Variants in PCDH15 observed in about 807,000 individuals in gnomAD.
The protein encoded by PCDH15 is protocadherin related 15.
In PCDH15, 129 loss-of-function variants were observed where a neutral mutation model predicts 178.5. That is an observed-to-expected ratio of 0.72 (90% confidence interval 0.63 to 0.84). The LOEUF (loss-of-function observed/expected upper bound fraction) is 0.84. Among genes scored for constraint, PCDH15 ranks in the 40% least tolerant of loss-of-function variants. The pLI, the probability that PCDH15 is intolerant of heterozygous loss-of-function variation, is 0.00. For synonymous variants in PCDH15, 800 were observed against 732.0 expected (o/e 1.09, Z -1.50); for missense variants, 2,230 against 2,099.9 (o/e 1.06, Z -1.21).
intron 2 of PCDH15, among the ~76,000 whole-genome samples, chr10:55,466,589 C>A (rs544073515): frequency 2.0e-5 from 3 of 152,152 alleles, no homozygotes; most frequent in African/African-American, 7.2e-5. Flanking sequence ...CAGCTAATCC[C>A]TGGTCAAATT....
chr10:54,919,370 A>G (rs1234224717), intron 2 of PCDH15, among the ~76,000 whole-genome samples: 1 of 152,160 alleles, frequency 6.6e-6, no homozygotes, highest in Non-Finnish European at 1.5e-5. Context: ...AAAAGGGATA[A>G]TGTTTGCTCA....
chr10:54,521,902 A>T (rs1447296535), intron 3 of PCDH15, among the ~76,000 whole-genome samples: 1 of 152,036 alleles, frequency 6.6e-6, no homozygotes, highest in African/African-American at 2.4e-5. Flanking sequence ...ACCCTGGCTA[A>T]CACGGTGGAA....
chr10:55,363,132 G>A (rs1304809249), intron 2 of PCDH15, among the ~76,000 whole-genome samples: 1 of 152,192 alleles, frequency 6.6e-6, no homozygotes, highest in East Asian at 1.9e-4. Flanking sequence ...GATAGACTTC[G>A]TTTTCACTCA....
intron 18 of PCDH15, among the ~76,000 whole-genome samples, chr10:54,027,204 G>A (rs1472078775): frequency 2.0e-5 from 3 of 148,256 alleles, no homozygotes; most frequent in South Asian, 2.2e-4. Flanking sequence ...CTTCAAAGAG[G>A]ATAAAATACC....
chr10:54,385,147 A>T (rs1343060255), intron 3 of PCDH15, among the ~76,000 whole-genome samples: 1 of 152,072 alleles, frequency 6.6e-6, no homozygotes, highest in Non-Finnish European at 1.5e-5. Context: ...AGATATTTAA[A>T]ACCTTTTATT....
At chr10:54,898,925 G>T (rs957792287) in intron 2 of PCDH15, among the ~76,000 whole-genome samples, 3 of 152,140 alleles carry the variant, frequency 2.0e-5, no homozygotes, top group African/African-American at 7.2e-5. Flanking sequence ...GGTACAATAA[G>T]AGACAAAGGT....
intron 2 of PCDH15, among the ~76,000 whole-genome samples, chr10:55,344,311 T>G (rs10763194): frequency 0.56 from 84,420 of 151,828 alleles, 24,116 homozygotes; most frequent in African/African-American, 0.68. Flanking sequence ...CATCTGAGGA[T>G]ACACACATTT....
chr10:55,183,559 C>T (rs754153143), intron 1 of PCDH15, among the ~76,000 whole-genome samples: 55 of 151,904 alleles, frequency 3.6e-4, no homozygotes, highest in Non-Finnish European at 6.3e-4. Context: ...CTGTGAGACC[C>T]TGTCTCAAAA....
In PCDH15 at chr10:54,208,847, C is replaced by G. The variant is rs1386435866; in HGVS notation, c.1098+5089G>C. Among the ~76,000 whole-genome samples the G allele has an allele frequency of 2.6e-5, 4 of 151,878 alleles. No individual in the cohort carries two copies. The South Asian group carries it at 8.3e-4, about 31-fold the overall frequency. ...AAGATATGTCATTTGTAGCATTTGT[C>G]TTCCTTCTTGTAGCTTGGCAATAGC... On this transcript the variant is annotated intron_variant, in intron 10 of 37. Coordinates refer to ENST00000644397, the MANE Select transcript of PCDH15 (RefSeq NM_001384140.1).
At chr10:54,900,471 G>A (rs1263680263) in intron 2 of PCDH15, among the ~76,000 whole-genome samples, 2 of 152,112 alleles carry the variant, frequency 1.3e-5, no homozygotes, top group African/African-American at 4.8e-5. Context: ...TTTAGTTAAG[G>A]TGGTAACTGA....
intron 3 of PCDH15, among the ~76,000 whole-genome samples, chr10:54,525,322 T>A (rs759867999): frequency 3.4e-4 from 52 of 152,184 alleles, no homozygotes; most frequent in Non-Finnish European, 4.4e-4. Context: ...CAAAGAAGCT[T>A]CAAAGCCTTT....
intron 3 of PCDH15, among the ~76,000 whole-genome samples, chr10:54,867,200 T>A (rs755619757): frequency 6.6e-6 from 1 of 152,140 alleles, no homozygotes; most frequent in Non-Finnish European, 1.5e-5. Flanking sequence ...GAATAAACAG[T>A]GTGCTTTCAG....
At chr10:54,451,633 T>C (rs1225079158) in intron 3 of PCDH15, among the ~76,000 whole-genome samples, 1 of 151,944 alleles carries the variant, frequency 6.6e-6, no homozygotes, top group African/African-American at 2.4e-5. Context: ...TGTAAATCTA[T>C]AACATACATT....
intron 25 of PCDH15, among the ~76,000 whole-genome samples, chr10:53,909,114 A>G (rs980154301): frequency 6.6e-6 from 1 of 152,158 alleles, no homozygotes; most frequent in Admixed American, 6.5e-5. Context: ...TGATCAGATC[A>G]TGGGGGCAGT....
At chr10:55,084,932 C>T (rs112767234) in intron 2 of PCDH15, among the ~76,000 whole-genome samples, 27 of 151,948 alleles carry the variant, frequency 1.8e-4, no homozygotes, top group African/African-American at 5.8e-4. Flanking sequence ...ATAACAAATG[C>T]AGATGAGGAT....
At chr10:55,504,074 T>C (rs1840711365) in intron 2 of PCDH15, among the ~76,000 whole-genome samples, 2 of 151,442 alleles carry the variant, frequency 1.3e-5, no homozygotes, top group South Asian at 4.1e-4. Flanking sequence ...AACAACTCTG[T>C]ATGACTATAA....
chr10:54,387,524 C>T, intron 3 of PCDH15, among the ~76,000 whole-genome samples: 1 of 152,104 alleles, frequency 6.6e-6, no homozygotes, highest in South Asian at 2.1e-4. Flanking sequence ...CCAATACTTC[C>T]ATATATTTTT....
intron 17 of PCDH15, among the ~76,000 whole-genome samples, chr10:54,078,318 A>G (rs1357337530): frequency 6.6e-6 from 1 of 152,024 alleles, no homozygotes; most frequent in Non-Finnish European, 1.5e-5. Flanking sequence ...AAAACTATTC[A>G]GGTATCAATT....
chr10:55,396,916 A>C (rs1565096387), intron 2 of PCDH15, among the ~76,000 whole-genome samples: 1 of 152,178 alleles, frequency 6.6e-6, no homozygotes, highest in African/African-American at 2.4e-5. Context: ...AAAGCCTACA[A>C]TTTTTGTATA....
Sources: allele counts gnomAD v4.1 joint callset (sites outside exome capture counted in the v4.1 genomes callset), GRCh38; gene constraint gnomAD v4.1.1; transcripts MANE v1.5; gene names NCBI Gene and HGNC (gene_info 2026-07-23, HGNC 2026-07-21).